The following RBFOX1 variants were observed in gnomAD, a reference collection of about 807,000 sequenced individuals.
RBFOX1 encodes RNA binding fox-1 homolog 1.
A neutral mutation model predicts 57.7 loss-of-function variants in RBFOX1; 8 were observed. The ratio of observed to expected loss-of-function variants is 0.14; its 90% CI spans 0.08 to 0.25. The LOEUF (loss-of-function observed/expected upper bound fraction) is 0.25, where lower values mean the gene tolerates loss of function less well. Ranked by LOEUF, RBFOX1 falls within the 10% of genes least tolerant of loss-of-function variation. The pLI is 1.00. For synonymous variants in RBFOX1, 326 were observed against 222.4 expected (o/e 1.47, Z -4.15); for missense variants, 611 against 548.5 (o/e 1.11, Z -1.14).
At chr16:6,680,785 C>G (rs1027385658) in intron 3 of RBFOX1, among the ~76,000 whole-genome samples, 1 of 152,162 alleles carries the variant, frequency 6.6e-6, no homozygotes, top group Non-Finnish European at 1.5e-5. Context: ...GGGCACCTAA[C>G]TTTGCAAACC....
intron 4 of RBFOX1, among the ~76,000 whole-genome samples, chr16:7,410,195 G>A (rs903050688): frequency 7.8e-4 from 34 of 43,700 alleles, no homozygotes; most frequent in Non-Finnish European, 1.6e-3. Flanking sequence ...GCTCATCTGC[G>A]CTGGGTGACC....
chr16:5,303,639 C>G (rs1026462713), intron 1 of RBFOX1, among the ~76,000 whole-genome samples: 4 of 152,116 alleles, frequency 2.6e-5, no homozygotes, highest in African/African-American at 9.7e-5. Context: ...CTCTCCCCCA[C>G]CACAGTGCAT....
intron 3 of RBFOX1, among the ~76,000 whole-genome samples, chr16:5,849,402 G>C (rs1358324570): frequency 1.3e-5 from 2 of 152,044 alleles, no homozygotes; most frequent in African/African-American, 4.8e-5. Flanking sequence ...AAGGGAGGGG[G>C]ATGTGTCTGG....
chr16:5,471,975 G>C (rs1007096130), intron 2 of RBFOX1, among the ~76,000 whole-genome samples: 12 of 152,122 alleles, frequency 7.9e-5, no homozygotes, highest in Non-Finnish European at 1.6e-4. Flanking sequence ...TCACCTCCCC[G>C]ACAGATGAAA....
intron 2 of RBFOX1, among the ~76,000 whole-genome samples, chr16:6,504,897 T>C (rs1199251717): frequency 9.3e-6 from 1 of 107,670 alleles, no homozygotes; most frequent in East Asian, 3.0e-4. Flanking sequence ...CTACTAAAAT[T>C]ACAAAAAAAA....
intron 1 of RBFOX1, among the ~76,000 whole-genome samples, chr16:6,134,569 T>A (rs527636964): frequency 1.3e-5 from 2 of 152,272 alleles, no homozygotes; most frequent in South Asian, 4.1e-4. Flanking sequence ...TGACATTAGT[T>A]CTGCCCTACT....
intron 3 of RBFOX1, among the ~76,000 whole-genome samples, chr16:6,919,012 G>T (rs913905038): frequency 6.6e-6 from 1 of 152,100 alleles, no homozygotes; most frequent in African/African-American, 2.4e-5. Flanking sequence ...GCAGAGTGTT[G>T]CTCATTCATC....
At chr16:6,451,806 C>G (rs1385673555) in intron 2 of RBFOX1, among the ~76,000 whole-genome samples, 1 of 152,122 alleles carries the variant, frequency 6.6e-6, no homozygotes, top group Non-Finnish European at 1.5e-5. Context: ...CCATCCATGA[C>G]TCCTTCCTCC....
chr16:7,589,910 T>TGG (rs1469675223), intron 7 of RBFOX1, among the ~76,000 whole-genome samples: 2 of 104,330 alleles, frequency 1.9e-5, no homozygotes, highest in African/African-American at 4.3e-5. Flanking sequence ...CTGTGTGTGC[T>TGG]GGGTGTGTGT....
At chr16:5,708,728 A>G (rs1010174057) in intron 3 of RBFOX1, among the ~76,000 whole-genome samples, 1 of 152,204 alleles carries the variant, frequency 6.6e-6, no homozygotes, top group African/African-American at 2.4e-5. Flanking sequence ...CGGCTTGGGC[A>G]ATAAAAATCC....
chr16:6,530,589 T>A lies in RBFOX1; in HGVS notation c.-63-124014T>A, dbSNP rs116183322. Among the ~76,000 whole-genome samples the A allele has an allele frequency of 1.4e-3, 209 of 152,246 alleles. 1 individual carries two copies. The highest frequency in any genetic ancestry group is 4.8e-3 in the African/African-American group (198 of 41,540). ...CTGCTGATAAAGACATACCTGAAAC[T>A]GGGTAATTTACAAAGAAAAAGAGAT... On this transcript the variant is annotated intron_variant, in intron 2 of 15. Coordinates refer to ENST00000550418, the MANE Select transcript of RBFOX1 (RefSeq NM_018723.4).
chr16:7,271,585 A>C (rs1215362288), intron 4 of RBFOX1, among the ~76,000 whole-genome samples: 2 of 152,188 alleles, frequency 1.3e-5, no homozygotes, highest in African/African-American at 2.4e-5. Flanking sequence ...GAGTTGAAGC[A>C]TAATTATGCA....
intron 11 of RBFOX1, among the ~76,000 whole-genome samples, chr16:7,631,238 GC>G (rs1416400459): frequency 7.2e-5 from 11 of 152,178 alleles, no homozygotes; most frequent in Non-Finnish European, 1.6e-4. Flanking sequence ...TGCAGGGGCA[GC>G]AACATTAAAT....
chr16:6,629,787 C>T (rs1169641541), intron 2 of RBFOX1, among the ~76,000 whole-genome samples: 1 of 152,190 alleles, frequency 6.6e-6, no homozygotes. Flanking sequence ...GATAGCTTCG[C>T]TATTAGCCAC....
At chr16:5,812,479 G>A (rs1194488029) in intron 3 of RBFOX1, among the ~76,000 whole-genome samples, 1 of 138,156 alleles carries the variant, frequency 7.2e-6, no homozygotes, top group East Asian at 2.1e-4. Flanking sequence ...TTTTTTCAGA[G>A]TTGGGGTCTC....
intron 3 of RBFOX1, among the ~76,000 whole-genome samples, chr16:6,663,825 T>A (rs2098715800): frequency 1.3e-5 from 2 of 152,202 alleles, no homozygotes; most frequent in Non-Finnish European, 2.9e-5. Flanking sequence ...GAGAGCATCC[T>A]GGGCCAGGTG....
chr16:5,822,353 G>A (rs1202422195), intron 3 of RBFOX1, among the ~76,000 whole-genome samples: 1 of 152,140 alleles, frequency 6.6e-6, no homozygotes, highest in Non-Finnish European at 1.5e-5. Context: ...GGTGGTGGGT[G>A]TGGCAGGTTC....
intron 4 of RBFOX1, among the ~76,000 whole-genome samples, chr16:7,479,165 C>G (rs146844179): frequency 0.01 from 1,518 of 151,300 alleles, 14 homozygotes; most frequent in Non-Finnish European, 0.017. Flanking sequence ...GGTCTGTTGC[C>G]TAGGCTGGAG....
chr16:6,482,807 C>T (rs1241480605), intron 2 of RBFOX1, among the ~76,000 whole-genome samples: 1 of 152,108 alleles, frequency 6.6e-6, no homozygotes, highest in Non-Finnish European at 1.5e-5. Flanking sequence ...CTAGGTGAAG[C>T]AGCATATTGG....
Sources: allele counts gnomAD v4.1 joint callset (sites outside exome capture counted in the v4.1 genomes callset), GRCh38; gene constraint gnomAD v4.1.1; transcripts MANE v1.5; gene names NCBI Gene and HGNC (gene_info 2026-07-23, HGNC 2026-07-21).